Variants in SATB1 observed in about 807,000 individuals in gnomAD.
SATB1 encodes DNA-binding protein SATB1.
SATB1 carries 11 observed loss-of-function variants against 86.9 expected under a neutral mutation model. That is an observed-to-expected ratio of 0.13 (90% confidence interval 0.08 to 0.21). The LOEUF is 0.21. SATB1 is among the 10% of genes least tolerant of loss of function. SATB1 has a pLI of 1.00. For synonymous variants in SATB1, 357 were observed against 357.2 expected (o/e 1.00, Z 0.01); for missense variants, 551 against 937.6 (o/e 0.59, Z 5.39).
chr3:18,387,311 G>T (rs1696394744), intron 7 of SATB1, among the ~76,000 whole-genome samples: 1 of 152,108 alleles, frequency 6.6e-6, no homozygotes, highest in South Asian at 2.1e-4. Context: ...CCATAGACAA[G>T]ATTTGAAATA....
intron 9 of SATB1, among the ~76,000 whole-genome samples, chr3:18,369,747 T>C (rs1450146825): frequency 6.6e-6 from 1 of 152,208 alleles, no homozygotes; most frequent in East Asian, 1.9e-4. Context: ...GGAGAGAGTT[T>C]ATCCTGAGGA....
chr3:18,433,619 G>A (rs1488487011), intron 2 of SATB1, among the ~76,000 whole-genome samples: 8 of 151,796 alleles, frequency 5.3e-5, no homozygotes, highest in Non-Finnish European at 1.2e-4. Context: ...ATTGAAGTTC[G>A]TATCTGTATT....
chr3:18,394,508 C>G lies in SATB1; in HGVS notation c.1160G>C (p.Gly387Ala), dbSNP rs191325344. The G allele has an allele frequency of 6.2e-7, 1 of 1,614,188 alleles. No homozygotes were observed. The highest frequency in any genetic ancestry group is 2.2e-5 in the East Asian group (1 of 44,888). Residue 387 changes from glycine to alanine, a missense_variant, in exon 7 of 11, where the codon GGA becomes GCA. Around this residue, in one of 8 missense-constraint regions of SATB1, gnomAD observed 1 missense variants for 32.5 expected, o/e 0.03. Transcript: ENST00000338745. The surrounding 1 kb of genome is among the most constrained non-coding windows in gnomAD (Gnocchi z 5.9). ...QWVRDELKRAGISQAVFARVA... is the reference protein window; with the variant it reads ...QWVRDELKRAAISQAVFARVA... ...ACGTGCAAATACCGCCTGGGAGATT[C>G]CTGCTCGTTTCAGTTCATCGCGTAC...
At chr3:18,419,822 T>C (rs1051704456) in intron 2 of SATB1, among the ~76,000 whole-genome samples, 1 of 152,202 alleles carries the variant, frequency 6.6e-6, no homozygotes, top group African/African-American at 2.4e-5. Context: ...CTGCTGTGTC[T>C]GTTCATTTCA....
At chr3:18,393,989 AAACAACAACAAC>A (rs371402760) in intron 7 of SATB1, among the ~76,000 whole-genome samples, 1 of 88,152 alleles carries the variant, frequency 1.1e-5, no homozygotes, top group South Asian at 2.9e-4. Flanking sequence ...TAACAACAAC[AAACAACAACAAC>A]AACAACAACG....
intron 9 of SATB1, among the ~76,000 whole-genome samples, chr3:18,358,097 G>A (rs1694738516): frequency 6.6e-6 from 1 of 151,788 alleles, no homozygotes; most frequent in Non-Finnish European, 1.5e-5. Flanking sequence ...GTGGCAAAGT[G>A]GTATTGATCT....
chr3:18,388,098 C>T (rs890866101), intron 7 of SATB1, among the ~76,000 whole-genome samples: 3 of 152,094 alleles, frequency 2.0e-5, no homozygotes, highest in African/African-American at 7.2e-5. Flanking sequence ...CCTGAACTTT[C>T]GTTTTTACCC....
chr3:18,432,824 A>G (rs987442162), intron 2 of SATB1, among the ~76,000 whole-genome samples: 4 of 152,022 alleles, frequency 2.6e-5, no homozygotes, highest in African/African-American at 4.8e-5. Flanking sequence ...AAACAAAAGC[A>G]AAACAATCTT....
chr3:18,391,220 C>T (rs1484635027), intron 7 of SATB1, among the ~76,000 whole-genome samples: 1 of 152,088 alleles, frequency 6.6e-6, no homozygotes, highest in African/African-American at 2.4e-5. Flanking sequence ...ACCTAAGACC[C>T]AGGGTTTTAA....
Position 18,349,136 on chromosome 3 carries a change from A to C in SATB1, c.*34T>G. On this transcript the variant is annotated 3_prime_UTR_variant, in exon 11 of 11. Coordinates refer to ENST00000338745, the MANE Select transcript of SATB1 (RefSeq NM_002971.6). The surrounding 1 kb of genome is among the most constrained non-coding windows in gnomAD (Gnocchi z 5.5). ...ACTTTTCATTTTGTTAGTAAATACC[A>C]GTGGCACTGTTGAACGAAACAAATA... 1 of 1,598,974 alleles carries C rather than the reference A, an allele frequency of 6.3e-7. No homozygotes were observed. Among genetic ancestry groups the C allele is most frequent in the Non-Finnish European group, 8.5e-7 (1 of 1,171,514 alleles).
chr3:18,389,641 A>T (rs1696538735), intron 7 of SATB1, among the ~76,000 whole-genome samples: 2 of 152,144 alleles, frequency 1.3e-5, no homozygotes, highest in African/African-American at 4.8e-5. Flanking sequence ...GCTAAAAAAT[A>T]GTATGAAAAG....
intron 5 of SATB1, chr3:18,410,997 T>C (rs1697806369): frequency 7.6e-6 from 3 of 395,136 alleles, no homozygotes; most frequent in East Asian, 3.6e-5. Context: ...AGTTTCTTTT[T>C]AAAATTTATT....
rs980300746 is a variant in SATB1, at chr3:18,352,557, G to T, written c.1576-362C>A. 4.5e-6 allele frequency: 1 copy of T among 223,808 alleles called. No homozygotes were observed. Among genetic ancestry groups the T allele is most frequent in the Non-Finnish European group, 9.0e-6 (1 of 110,770 alleles). 13.9% of individuals were successfully genotyped at this position (223,808 alleles called of 1,614,324 possible). A position where few individuals can be genotyped will look rare whatever the true frequency, so the allele number is the denominator to read the frequency against. ...TCTGACGAGTGGCTGGCCATCTGAGGATACGGAAGTGCCTAAGAGGCAGGA... is the reference window on the plus strand; with the variant it reads ...TCTGACGAGTGGCTGGCCATCTGAGTATACGGAAGTGCCTAAGAGGCAGGA... On this transcript the variant is annotated intron_variant, in intron 9 of 10. Transcript: ENST00000338745. The surrounding 1 kb of genome is among the most constrained non-coding windows in gnomAD (Gnocchi z 4.1).
At chr3:18,440,966 C>G (rs940676896), upstream of SATB1, among the ~76,000 whole-genome samples, 1 of 152,290 alleles carries the variant, frequency 6.6e-6, no homozygotes, top group East Asian at 1.9e-4. Context: ...CTGATTTACT[C>G]GAGATAGTCC....
chr3:18,408,025 G>A (rs776848517), intron 5 of SATB1, among the ~76,000 whole-genome samples: 3 of 152,060 alleles, frequency 2.0e-5, no homozygotes, highest in Non-Finnish European at 4.4e-5. Context: ...AGATAAGAAT[G>A]TGATCTCAAA....
At chr3:18,401,662 T>C (rs892764957) in intron 5 of SATB1, among the ~76,000 whole-genome samples, 3 of 152,114 alleles carry the variant, frequency 2.0e-5, no homozygotes, top group South Asian at 2.1e-4. Flanking sequence ...AACCAATAAA[T>C]AGGCCACAGC....
At chr3:18,390,392 A>G (rs550686344) in intron 7 of SATB1, among the ~76,000 whole-genome samples, 1 of 152,262 alleles carries the variant, frequency 6.6e-6, no homozygotes, top group East Asian at 1.9e-4. Flanking sequence ...GTCCAGGTAA[A>G]AGACTATTTT....
intron 1 of SATB1, among the ~76,000 whole-genome samples, chr3:18,422,541 T>C (rs1307552671): frequency 6.6e-6 from 1 of 152,214 alleles, no homozygotes; most frequent in Non-Finnish European, 1.5e-5. Flanking sequence ...TAACAATAAA[T>C]GTGCCTTTTT....
In SATB1 at chr3:18,349,889, G is replaced by C. The variant is rs951591203; in HGVS notation, c.1780-207C>G. The C allele has an allele frequency of 3.5e-6, 3 of 867,004 alleles. No individual in the cohort carries two copies. The highest frequency in any genetic ancestry group is 5.1e-6 in the Non-Finnish European group (3 of 592,888). 53.7% of individuals were successfully genotyped at this position (867,004 alleles called of 1,614,324 possible). On this transcript the variant is annotated intron_variant, in intron 10 of 10. Coordinates refer to ENST00000338745, the MANE Select transcript of SATB1 (RefSeq NM_002971.6). This position sits in a 1 kb window ranked among gnomAD's most constrained non-coding sequence, Gnocchi z 5.5. The stretch of plus-strand genomic sequence containing the variant: ...ATATGACTAGGAAGGGATGAATTAA[G>C]ACAGCTTTGGGGGGCTACTGCACTT...
Sources: gnomAD v4.1 joint callset for allele counts (sites outside exome capture counted in the v4.1 genomes callset) on GRCh38, gnomAD v4.1.1 for gene constraint, gnomAD v4.1.1 regional missense constraint, Gnocchi (gnomAD v3.1) non-coding constraint, MANE v1.5 for transcripts, NCBI Gene and HGNC (gene_info 2026-07-23, HGNC 2026-07-21) for gene names.